The following TMEM178B variants were observed in gnomAD, a reference collection of about 807,000 sequenced individuals.
TMEM178B encodes transmembrane protein 178B.
TMEM178B carries 5 observed loss-of-function variants against 31.0 expected under a neutral mutation model. That is an observed-to-expected ratio of 0.16 (90% CI 0.08 to 0.34). TMEM178B has a LOEUF of 0.34. TMEM178B is among the 10% of genes least tolerant of loss of function. The pLI, the probability that TMEM178B is intolerant of heterozygous loss-of-function variation, is 1.00. For synonymous variants in TMEM178B, 164 were observed against 164.0 expected, an observed-to-expected ratio of 1.00 and a Z score of 0.00; for missense variants, 275 against 400.3, an observed-to-expected ratio of 0.69 and a Z score of 2.67.
At position 141,352,118 on chromosome 7, in the gene TMEM178B, G is replaced by T. The variant is rs796109296; in HGVS notation, c.497-85490G>T. The T allele has an allele frequency of 2.2e-4, 34 of 152,620 alleles. 1 individual carries two copies. Among genetic ancestry groups the T allele is most frequent in the African/African-American group, 7.9e-4 (33 of 41,562 alleles). 9.5% of individuals were successfully genotyped at this position (152,620 alleles called of 1,614,324 possible). The stretch of plus-strand genomic sequence containing the variant: ...GTGAGAGAGAGTTTATAAAGGGGCA[G>T]CATGTGAAGAAGGTATTACTACTAC... On this transcript the variant is annotated intron_variant, in intron 2 of 3. Coordinates refer to ENST00000565468, the MANE Select transcript of TMEM178B (RefSeq NM_001195278.2).
intron 2 of TMEM178B, among the ~76,000 whole-genome samples, chr7:141,237,330 T>C (rs1797543131): frequency 6.6e-6 from 1 of 152,136 alleles, no homozygotes; most frequent in Non-Finnish European, 1.5e-5. Context: ...TAAAAATTGG[T>C]AATGATCTTA....
At chr7:141,393,375 A>G (rs1800579751) in intron 2 of TMEM178B, among the ~76,000 whole-genome samples, 1 of 152,228 alleles carries the variant, frequency 6.6e-6, no homozygotes, top group African/African-American at 2.4e-5. Context: ...TAATAGAAGC[A>G]AAATAACGAC....
intron 2 of TMEM178B, among the ~76,000 whole-genome samples, chr7:141,294,794 A>G (rs1798603317): frequency 6.6e-6 from 1 of 152,166 alleles, no homozygotes; most frequent in Non-Finnish European, 1.5e-5. Flanking sequence ...CTTTACCCTC[A>G]TTTCTCTCAT....
At chr7:141,190,302 T>G (rs923864566) in intron 1 of TMEM178B, among the ~76,000 whole-genome samples, 2 of 152,106 alleles carry the variant, frequency 1.3e-5, no homozygotes, top group African/African-American at 4.8e-5. Context: ...GTGTTGGATA[T>G]CTCGTGTAAC....
At chr7:141,114,205 G>A (rs529590598) in intron 1 of TMEM178B, among the ~76,000 whole-genome samples, 1 of 152,250 alleles carries the variant, frequency 6.6e-6, no homozygotes, top group African/African-American at 2.4e-5. Flanking sequence ...GCATCTCTGT[G>A]TCCTGTCTCA....
intron 1 of TMEM178B, among the ~76,000 whole-genome samples, chr7:141,081,849 C>T (rs1336341665): frequency 1.3e-5 from 2 of 152,162 alleles, no homozygotes; most frequent in African/African-American, 4.8e-5. Context: ...TTTCACTCGC[C>T]ACTCACCTCT....
chr7:141,081,326 G>A (rs2129170867), intron 1 of TMEM178B, among the ~76,000 whole-genome samples: 1 of 152,222 alleles, frequency 6.6e-6, no homozygotes, highest in South Asian at 2.1e-4. Flanking sequence ...ACAGAAAAAA[G>A]CTTATAGGAT....
intron 1 of TMEM178B, among the ~76,000 whole-genome samples, chr7:141,123,388 G>T (rs1403633019): frequency 6.6e-6 from 1 of 152,238 alleles, no homozygotes; most frequent in Non-Finnish European, 1.5e-5. Context: ...TGCAGTAGAT[G>T]TAGGAAACAA....
intron 1 of TMEM178B, among the ~76,000 whole-genome samples, chr7:141,163,290 C>A (rs1227893702): frequency 6.6e-6 from 1 of 152,132 alleles, no homozygotes. Context: ...AATATGTAGG[C>A]CTTCTGGAAG....
intron 2 of TMEM178B, among the ~76,000 whole-genome samples, chr7:141,378,108 GACAGTTT>G (rs1406368429): frequency 1.3e-5 from 2 of 152,042 alleles, no homozygotes; most frequent in Non-Finnish European, 2.9e-5. Flanking sequence ...TCATGACCTT[GACAGTTT>G]TGAAGAATAC....
At chr7:141,364,822 G>C (rs1050079139) in intron 2 of TMEM178B, among the ~76,000 whole-genome samples, 1 of 152,156 alleles carries the variant, frequency 6.6e-6, no homozygotes, top group Non-Finnish European at 1.5e-5. Flanking sequence ...CTCTGCGTGG[G>C]GCAATAGGGA....
At chr7:141,267,967 C>G (rs1000075547) in intron 2 of TMEM178B, among the ~76,000 whole-genome samples, 2 of 152,330 alleles carry the variant, frequency 1.3e-5, no homozygotes, top group African/African-American at 2.4e-5. Flanking sequence ...TAAAGAGGCA[C>G]GAGCCTGATT....
At chr7:141,121,724 G>A (rs1019144321) in intron 1 of TMEM178B, among the ~76,000 whole-genome samples, 5 of 152,124 alleles carry the variant, frequency 3.3e-5, no homozygotes, top group African/African-American at 4.8e-5. Context: ...TGAGAGATGC[G>A]ATGACTCTTA....
chr7:141,133,521 T>C (rs566311983), intron 1 of TMEM178B, among the ~76,000 whole-genome samples: 79 of 152,170 alleles, frequency 5.2e-4, no homozygotes, highest in African/African-American at 1.8e-3. Context: ...GACAGGTCTT[T>C]TGAAATAACC....
At chr7:141,167,898 T>C (rs1265105958) in intron 1 of TMEM178B, among the ~76,000 whole-genome samples, 1 of 152,222 alleles carries the variant, frequency 6.6e-6, no homozygotes, top group Non-Finnish European at 1.5e-5. Flanking sequence ...GCATCCCACC[T>C]TATATTTGCC....
At chr7:141,078,777 G>A (rs548221168) in intron 1 of TMEM178B, among the ~76,000 whole-genome samples, 2 of 152,248 alleles carry the variant, frequency 1.3e-5, no homozygotes, top group African/African-American at 4.8e-5. Flanking sequence ...GGATATTTCA[G>A]GCAATGGGCC....
intron 1 of TMEM178B, among the ~76,000 whole-genome samples, chr7:141,090,438 G>A (rs1167876182): frequency 1.3e-5 from 2 of 152,144 alleles, no homozygotes; most frequent in East Asian, 3.8e-4. Context: ...CAGCAGTAAT[G>A]TCCTCGGGTT....
intron 2 of TMEM178B, among the ~76,000 whole-genome samples, chr7:141,393,194 GTTTTTCTTCT>G (rs1229653255): frequency 6.6e-6 from 1 of 152,106 alleles, no homozygotes; most frequent in Non-Finnish European, 1.5e-5. Flanking sequence ...TGGGAGGGGT[GTTTTTCTTCT>G]CCAGGGCAGC....
intron 2 of TMEM178B, among the ~76,000 whole-genome samples, chr7:141,334,185 G>A (rs1306091458): frequency 6.6e-6 from 1 of 152,210 alleles, no homozygotes; most frequent in Non-Finnish European, 1.5e-5. Context: ...GAAATGTGTG[G>A]CACTTGCTCA....
Sources: allele counts gnomAD v4.1 joint callset (sites outside exome capture counted in the v4.1 genomes callset), GRCh38; gene constraint gnomAD v4.1.1; transcripts MANE v1.5; gene names NCBI Gene and HGNC (gene_info 2026-07-23, HGNC 2026-07-21).